HNMT: variants seen among roughly 807,000 people sequenced by gnomAD.
The protein encoded by HNMT is histamine N-methyltransferase.
Under a neutral mutation model 32.1 loss-of-function variants are expected in HNMT, and 30 were observed. That is an observed-to-expected ratio of 0.93 (90% CI 0.70 to 1.27). HNMT has a LOEUF of 1.27. Ranked by LOEUF, HNMT falls within the 50% of genes most tolerant of loss-of-function variation. The pLI is 0.00. For missense variants in HNMT, 327 were observed against 346.0 expected (o/e 0.95, Z 0.43); for synonymous variants, 125 against 119.0 (o/e 1.05, Z -0.33).
intron 1 of HNMT, chr2:137,967,328 G>A (rs924833074): frequency 7.1e-5 from 37 of 519,616 alleles, no homozygotes; most frequent in Admixed American, 1.4e-4. Flanking sequence ...ACTTAAGTCC[G>A]AGAGATCGAG....
chr2:137,965,575 G>T (rs1302749171), intron 1 of HNMT, among the ~76,000 whole-genome samples: 2 of 152,026 alleles, frequency 1.3e-5, no homozygotes, highest in Non-Finnish European at 2.9e-5. Flanking sequence ...ACATGATTCA[G>T]ATTTTAAATG....
In HNMT at chr2:137,964,563, C is replaced by T; in HGVS notation, c.72C>T (p.Asn24=). ...TTGAATCTTTCCGGAGGTTTCTCAACCATTCCACGGAACACCAGTGCATGC... is the reference window on the plus strand; with the variant it reads ...TTGAATCTTTCCGGAGGTTTCTCAATCATTCCACGGAACACCAGTGCATGC... ...KYVESFRRFL[N]HSTEHQCMQE... is the part of the protein sequence containing the mutation. Residue 24 remains asparagine, a synonymous_variant, in exon 1 of 6, where the codon AAC becomes AAT. Coordinates refer to ENST00000280097, the MANE Select transcript of HNMT (RefSeq NM_006895.3). 1 of 1,613,692 alleles carries T rather than the reference C, an allele frequency of 6.2e-7. No homozygotes were observed. Among genetic ancestry groups the T allele is most frequent in the Non-Finnish European group, 8.5e-7 (1 of 1,179,698 alleles).
intron 1 of HNMT, among the ~76,000 whole-genome samples, chr2:137,967,932 A>T (rs1301684526): frequency 6.6e-6 from 1 of 152,100 alleles, no homozygotes; most frequent in East Asian, 1.9e-4. Context: ...CCACCTAAAG[A>T]GCCTTGGTTT....
intron 2 of HNMT, among the ~76,000 whole-genome samples, chr2:137,982,652 T>G (rs1680538131): frequency 6.6e-6 from 1 of 152,208 alleles, no homozygotes; most frequent in Non-Finnish European, 1.5e-5. Flanking sequence ...ACAATTCAGC[T>G]GATTAGAAAA....
intron 1 of HNMT, among the ~76,000 whole-genome samples, chr2:137,964,905 C>A (rs1222910939): frequency 6.6e-6 from 1 of 152,174 alleles, no homozygotes; most frequent in Non-Finnish European, 1.5e-5. Flanking sequence ...AATCCATGTT[C>A]ATTTGGGAAA....
chr2:137,966,102 A>G (rs1358423475), intron 1 of HNMT, among the ~76,000 whole-genome samples: 1 of 152,214 alleles, frequency 6.6e-6, no homozygotes. Context: ...AGAGTTGTCT[A>G]TAAGTTATGA....
Position 138,013,946 on chromosome 2 carries a change from A to G in HNMT, c.695A>G (p.Asp232Gly). 6.2e-7 allele frequency: 1 copy of G among 1,613,822 alleles called. No homozygotes were observed. The highest frequency in any genetic ancestry group is 8.5e-7 in the Non-Finnish European group (1 of 1,179,846). The change falls in exon 6 of 6, where the codon GAT becomes GGT. Residue 232 changes from aspartate (D) to glycine (G), a missense_variant. Asp to Gly is a moderately conservative substitution (Grantham distance 94). Coordinates refer to ENST00000280097, the MANE Select transcript of HNMT (RefSeq NM_006895.3). ...STMDISDCFI[D>G]GNENGDLLWD... Reference sequence around the variant, plus strand: ...ATGGATATATCTGACTGCTTTATTGATGGTAATGAAAATGGAGACCTGCTT... The same window carrying G: ...ATGGATATATCTGACTGCTTTATTGGTGGTAATGAAAATGGAGACCTGCTT...
At chr2:137,967,715 A>T (rs932619254) in intron 1 of HNMT, 4 of 151,978 alleles carry the variant, frequency 2.6e-5, no homozygotes, top group African/African-American at 9.7e-5. Context: ...TGATTACCTA[A>T]TTTTCTTATA....
chr2:137,971,428 T>C (rs561105532), intron 2 of HNMT, among the ~76,000 whole-genome samples: 1 of 152,324 alleles, frequency 6.6e-6, no homozygotes, highest in Non-Finnish European at 1.5e-5. Context: ...TCCACTCACC[T>C]TGGCCTCCCA....
At chr2:137,974,668 T>G (rs946059167) in intron 2 of HNMT, among the ~76,000 whole-genome samples, 3 of 152,196 alleles carry the variant, frequency 2.0e-5, no homozygotes, top group Non-Finnish European at 2.9e-5. Flanking sequence ...TTTTAAGAGT[T>G]AGACAGAGCT....
At position 138,000,912 on chromosome 2, in the gene HNMT, T is replaced by G; in HGVS notation, c.191-6T>G. ...ATGTGACCTGTCCCATATGTTTATC[T>G]TCTAGGTGAAATTGATCTTCAAATT... On this transcript the variant is annotated splice_polypyrimidine_tract_variant and splice_region_variant and intron_variant, in intron 2 of 5. Coordinates refer to ENST00000280097, the MANE Select transcript of HNMT (RefSeq NM_006895.3). 1 of 1,540,084 alleles carries G rather than the reference T, an allele frequency of 6.5e-7. No homozygotes were observed. The highest frequency in any genetic ancestry group is 8.9e-7 in the Non-Finnish European group (1 of 1,118,664).
At chr2:137,965,021 T>C (rs1558948512) in intron 1 of HNMT, among the ~76,000 whole-genome samples, 1 of 152,194 alleles carries the variant, frequency 6.6e-6, no homozygotes, top group South Asian at 2.1e-4. Context: ...TAGAATCAAA[T>C]ATAAATAATT....
intron 1 of HNMT, among the ~76,000 whole-genome samples, chr2:137,969,713 A>G (rs1341207628): frequency 6.6e-6 from 1 of 152,164 alleles, no homozygotes; most frequent in Non-Finnish European, 1.5e-5. Flanking sequence ...TGCCTAGGAT[A>G]GAATACACAT....
intron 2 of HNMT, among the ~76,000 whole-genome samples, chr2:137,997,529 G>A (rs747964588): frequency 2.0e-5 from 3 of 152,324 alleles, no homozygotes; most frequent in Non-Finnish European, 2.9e-5. Flanking sequence ...AACAATAGAT[G>A]CTGGCAAAGC....
intron 4 of HNMT, chr2:138,002,661 G>T (rs1406530520): frequency 3.4e-6 from 1 of 297,068 alleles, no homozygotes; most frequent in Non-Finnish European, 5.0e-6. Flanking sequence ...TGCCCAGGCT[G>T]GTCTTGAAAT....
At chr2:137,981,308 A>G (rs913505340) in intron 2 of HNMT, 1 of 1,613,330 alleles carries the variant, frequency 6.2e-7, no homozygotes, top group Admixed American at 1.7e-5. Flanking sequence ...AGGCATGAGG[A>G]TCCATGATGA....
chr2:137,967,127 C>T (rs751574166), intron 1 of HNMT: 5 of 779,758 alleles, frequency 6.4e-6, no homozygotes, highest in Non-Finnish European at 1.2e-5. Context: ...AAATAAAATA[C>T]TGGCCAGATG....
rs74969693 is a variant in HNMT, at chr2:138,000,754, A to G, written c.191-164A>G. 2.5e-3 allele frequency among the ~76,000 whole-genome samples: 375 copies of G among 152,238 alleles called. 2 individuals carry two copies. The highest frequency in any genetic ancestry group is 8.5e-3 in the African/African-American group (353 of 41,560). ...TTGAGTCACATTACTATGCCTACTTAGAACCTAGCTGCCCTGCATCATGGC... is the reference window on the plus strand; with the variant it reads ...TTGAGTCACATTACTATGCCTACTTGGAACCTAGCTGCCCTGCATCATGGC... On this transcript the variant is annotated intron_variant, in intron 2 of 5. Coordinates refer to ENST00000280097, the MANE Select transcript of HNMT (RefSeq NM_006895.3).
intron 2 of HNMT, chr2:137,981,191 A>G: frequency 6.2e-7 from 1 of 1,610,426 alleles, no homozygotes; most frequent in Non-Finnish European, 8.5e-7. Context: ...CACAGTCTTT[A>G]ATCCCCTATT....
Sources: allele counts gnomAD v4.1 joint callset (sites outside exome capture counted in the v4.1 genomes callset), GRCh38; gene constraint gnomAD v4.1.1; transcripts MANE v1.5; gene names NCBI Gene and HGNC (gene_info 2026-07-23, HGNC 2026-07-21).